The following QKI variants were observed in gnomAD, a reference collection of about 807,000 sequenced individuals.
The protein encoded by QKI is QKI, KH domain containing RNA binding.
A neutral mutation model predicts 39.0 loss-of-function variants in QKI; 10 were observed. That is an observed-to-expected ratio of 0.26 (90% CI 0.16 to 0.43). The LOEUF is 0.43. Among genes scored for constraint, QKI ranks in the 20% least tolerant of loss-of-function variants. The pLI, the probability that QKI is intolerant of heterozygous loss-of-function variation, is 1.00. For synonymous variants in QKI, 204 were observed against 155.4 expected (o/e 1.31, Z -2.33); for missense variants, 218 against 428.0 (o/e 0.51, Z 4.33).
At chr6:163,426,935 A>G (rs761537857) in intron 1 of QKI, among the ~76,000 whole-genome samples, 3 of 152,170 alleles carry the variant, frequency 2.0e-5, no homozygotes, top group Non-Finnish European at 4.4e-5. Flanking sequence ...TGATGTTAAA[A>G]TTATTACAAC....
chr6:163,497,354 AAAC>A (rs1445499442), intron 3 of QKI, among the ~76,000 whole-genome samples: 1 of 152,120 alleles, frequency 6.6e-6, no homozygotes, highest in Non-Finnish European at 1.5e-5. Flanking sequence ...TTGCTGTTTA[AAAC>A]AATTTTATTG....
rs1463155237 is a variant in QKI, at chr6:163,578,471, G to C, written c.*7761G>C. 6.6e-6 allele frequency: 1 copy of C among 152,060 alleles called. No homozygotes were observed. The highest frequency in any genetic ancestry group is 2.4e-5 in the African/African-American group (1 of 41,384). 9.4% of individuals were successfully genotyped at this position (152,060 alleles called of 1,614,324 possible). A position where few individuals can be genotyped will look rare whatever the true frequency, so the allele number is the denominator to read the frequency against. On this transcript the variant is annotated 3_prime_UTR_variant, in exon 8 of 8. Coordinates refer to ENST00000361752, the MANE Select transcript of QKI (RefSeq NM_006775.3). The stretch of plus-strand genomic sequence containing the variant: ...TTGATTTATAAAATTAAGACATACT[G>C]GTAGTACAAGTTGAAAGTTGGTTTG...
chr6:163,556,109 C>G (rs890673541), intron 4 of QKI, among the ~76,000 whole-genome samples: 1 of 152,072 alleles, frequency 6.6e-6, no homozygotes, highest in Non-Finnish European at 1.5e-5. Flanking sequence ...TGTTAGGAAG[C>G]GTAAATGATT....
chr6:163,561,899 AC>A (rs1207739379), intron 4 of QKI, 82 bp from the exon 5 acceptor site: 1 of 1,046,788 alleles, frequency 9.6e-7, no homozygotes, highest in Non-Finnish European at 1.4e-6. Context: ...CATGATACTT[AC>A]TTTAAGGCTT....
At chr6:163,499,327 TAAACC>T (rs1349731854) in intron 3 of QKI, among the ~76,000 whole-genome samples, 4 of 152,210 alleles carry the variant, frequency 2.6e-5, no homozygotes, top group African/African-American at 7.2e-5. Flanking sequence ...AGGCCACTGA[TAAACC>T]AAAGCTAATC....
chr6:163,548,659 G>A (rs2128245587), intron 4 of QKI, among the ~76,000 whole-genome samples: 1 of 138,060 alleles, frequency 7.2e-6, no homozygotes, highest in Middle Eastern at 3.7e-3. Flanking sequence ...CAGAGTGAGA[G>A]AGATTGAGGT....
At chr6:163,420,885 G>T (rs1787944978) in intron 1 of QKI, among the ~76,000 whole-genome samples, 1 of 152,082 alleles carries the variant, frequency 6.6e-6, no homozygotes, top group South Asian at 2.1e-4. Flanking sequence ...ACCTTCTATG[G>T]AGTGATCATT....
Position 163,570,837 on chromosome 6 carries a change from G to T in QKI, c.*127G>T, listed in dbSNP as rs116587937. 2 of 1,253,962 alleles carry T rather than the reference G, an allele frequency of 1.6e-6. No homozygotes were observed. The highest frequency in any genetic ancestry group is 1.1e-6 in the Non-Finnish European group (1 of 921,478). 77.7% of individuals were successfully genotyped at this position (1,253,962 alleles called of 1,614,324 possible). A position where few individuals can be genotyped will look rare whatever the true frequency, so the allele number is the denominator to read the frequency against. On this transcript the variant is annotated 3_prime_UTR_variant, in exon 8 of 8. Coordinates refer to ENST00000361752, the MANE Select transcript of QKI (RefSeq NM_006775.3). ...GTGCAGCGAGCTGAGGCACTTGTCC[G>T]TTCGTCTTACCATCTAACCAAACAA...
At chr6:163,563,319 T>C in intron 5 of QKI, 101 bp from the exon 6 acceptor site, 4 of 1,140,164 alleles carry the variant, frequency 3.5e-6, no homozygotes, top group Non-Finnish European at 4.9e-6. Flanking sequence ...TTATTTTTCT[T>C]CTTTCCTGCT....
chr6:163,493,845 A>ACAAAAATATGGT (rs1562485524), intron 3 of QKI, among the ~76,000 whole-genome samples: 1 of 151,448 alleles, frequency 6.6e-6, no homozygotes, highest in African/African-American at 2.4e-5. Flanking sequence ...TTTTAAAGGG[A>ACAAAAATATGGT]CAAAAATATA....
intron 1 of QKI, among the ~76,000 whole-genome samples, chr6:163,444,332 A>T (rs557282561): frequency 6.6e-6 from 1 of 152,216 alleles, no homozygotes; most frequent in Non-Finnish European, 1.5e-5. Context: ...CAGAAGGTTC[A>T]GTTTGAAGGC....
intron 1 of QKI, among the ~76,000 whole-genome samples, chr6:163,439,340 G>GTTT (rs573449244): frequency 2.2e-4 from 24 of 107,720 alleles, no homozygotes; most frequent in African/African-American, 5.5e-4. Context: ...GTTTTTTTTT[G>GTTT]TTTTTTTTTT....
At chr6:163,544,055 G>A (rs1213784713) in intron 4 of QKI, among the ~76,000 whole-genome samples, 2 of 151,920 alleles carry the variant, frequency 1.3e-5, no homozygotes, top group Non-Finnish European at 2.9e-5. Flanking sequence ...AAATAAATAA[G>A]ATACTTAGGT....
chr6:163,460,642 A>T (rs1007812799), intron 2 of QKI, among the ~76,000 whole-genome samples: 3 of 152,120 alleles, frequency 2.0e-5, no homozygotes, highest in Non-Finnish European at 4.4e-5. Flanking sequence ...TAGAGGGATT[A>T]TGGGGAGAGG....
intron 4 of QKI, among the ~76,000 whole-genome samples, chr6:163,548,277 G>A (rs899285860): frequency 1.3e-5 from 2 of 152,122 alleles, no homozygotes; most frequent in Admixed American, 6.5e-5. Context: ...CACATACATA[G>A]AAAGTGATCA....
chr6:163,421,630 AC>A (rs1316272529), intron 1 of QKI, among the ~76,000 whole-genome samples: 7 of 151,012 alleles, frequency 4.6e-5, no homozygotes, highest in Admixed American at 4.6e-4. Context: ...GTCATTTAAC[AC>A]AAATAGCTAT....
Position 163,566,738 on chromosome 6 carries a change from G to A in QKI, c.952G>A (p.Val318Ile), listed in dbSNP as rs996939553. 1 of 1,613,738 alleles carries A rather than the reference G, an allele frequency of 6.2e-7. No homozygotes were observed. The highest frequency in any genetic ancestry group is 1.1e-5 in the South Asian group (1 of 91,026). ...TTAACTAGGTGCGGTGGCTACTAAA[G>A]TTCGAAGGCACGATATGCGTGTCCA... ...SGVLGAVATKVRRHDMRVHPY... is the reference protein window; with the variant it reads ...SGVLGAVATKIRRHDMRVHPY... Residue 318 changes from valine to isoleucine, a missense_variant, in exon 7 of 8, where the codon GTT becomes ATT. By Grantham distance (29) the Val-to-Ile change is conservative (BLOSUM62 3). Coordinates refer to ENST00000361752, the MANE Select transcript of QKI (RefSeq NM_006775.3).
rs115002467 is a variant in QKI, at chr6:163,523,812, C to G, written c.403-11170C>G. Reference sequence around the variant, plus strand: ...TGTACCAAACTTTTCTTTTTAGATGCCTTGTGAATAATACAAAAAATTAAA... The same window carrying G: ...TGTACCAAACTTTTCTTTTTAGATGGCTTGTGAATAATACAAAAAATTAAA... On this transcript the variant is annotated intron_variant, in intron 3 of 7. Transcript: ENST00000361752. Among the ~76,000 whole-genome samples the G allele has an allele frequency of 5.2e-3, 784 of 152,168 alleles. 11 individuals are homozygous for G. The highest frequency in any genetic ancestry group is 0.018 in the African/African-American group (749 of 41,506).
intron 2 of QKI, among the ~76,000 whole-genome samples, chr6:163,473,595 A>G (rs1792363456): frequency 6.6e-6 from 1 of 152,222 alleles, no homozygotes; most frequent in Non-Finnish European, 1.5e-5. Context: ...AAAATAAATT[A>G]GGCATCTATT....
Sources: allele counts gnomAD v4.1 joint callset (sites outside exome capture counted in the v4.1 genomes callset), GRCh38; gene constraint gnomAD v4.1.1; transcripts MANE v1.5; gene names NCBI Gene and HGNC (gene_info 2026-07-23, HGNC 2026-07-21).